The following RALYL variants were observed in gnomAD, a reference collection of about 807,000 sequenced individuals.
RALYL encodes RNA-binding Raly-like protein.
Under a neutral mutation model 35.1 loss-of-function variants are expected in RALYL, and 29 were observed. The observed-to-expected ratio is 0.83, with a 90% CI of 0.61 to 1.13. RALYL has a LOEUF of 1.13. Ranked by LOEUF, RALYL falls within the 50% of genes most tolerant of loss-of-function variation. The pLI, the probability that RALYL is intolerant of heterozygous loss-of-function variation, is 0.00. For missense variants in RALYL, 359 were observed against 360.4 expected (o/e 1.00, Z 0.03); for synonymous variants, 120 against 127.6 (o/e 0.94, Z 0.40).
chr8:84,587,640 A>G (rs1812298263), intron 2 of RALYL, among the ~76,000 whole-genome samples: 2 of 152,220 alleles, frequency 1.3e-5, no homozygotes, highest in Admixed American at 6.5e-5. Context: ...TTTTTTGGAC[A>G]AAGTACTACA....
rs1412890097 is a variant in RALYL at position 84,617,589 on chromosome 8, T to G, written c.256+88012T>G. On this transcript the variant is annotated intron_variant, in intron 2 of 8. Transcript: ENST00000521268. ...CCTAATTGAATACCCTTTATTTCCTTCTCCTGCCTAATTGCCCTGGCCAGA... is the reference window on the plus strand; with the variant it reads ...CCTAATTGAATACCCTTTATTTCCTGCTCCTGCCTAATTGCCCTGGCCAGA... Among the ~76,000 whole-genome samples the G allele has an allele frequency of 6.3e-4, 94 of 149,166 alleles. 1 individual carries two copies. The highest frequency in any genetic ancestry group is 2.3e-3 in the African/African-American group (92 of 39,624).
intron 1 of RALYL, among the ~76,000 whole-genome samples, chr8:84,398,606 G>A (rs1221458229): frequency 4.6e-5 from 7 of 152,076 alleles, no homozygotes; most frequent in Non-Finnish European, 8.8e-5. Flanking sequence ...CTGGAAAAAT[G>A]ATACATGGAA....
chr8:84,680,673 T>G (rs527292149), intron 2 of RALYL, among the ~76,000 whole-genome samples: 2,130 of 152,288 alleles, frequency 0.014, 59 homozygotes, highest in African/African-American at 0.048. Context: ...GTTCATATCC[T>G]TCGCCCACTT....
At chr8:84,892,284 G>T (rs908462427) in intron 8 of RALYL, among the ~76,000 whole-genome samples, 1 of 152,124 alleles carries the variant, frequency 6.6e-6, no homozygotes, top group Non-Finnish European at 1.5e-5. Context: ...ATGGCTCCTT[G>T]TCTCAAGTAG....
At chr8:84,861,275 C>G (rs1260981947) in intron 5 of RALYL, among the ~76,000 whole-genome samples, 1 of 152,088 alleles carries the variant, frequency 6.6e-6, no homozygotes, top group African/African-American at 2.4e-5. Context: ...GGAAAATAGT[C>G]ATGAAAATGA....
chr8:84,446,773 G>A (rs1474361780), intron 1 of RALYL, among the ~76,000 whole-genome samples: 1 of 152,152 alleles, frequency 6.6e-6, no homozygotes, highest in Non-Finnish European at 1.5e-5. Context: ...TTCAGGAGCT[G>A]AGGGGGTGCC....
intron 1 of RALYL, among the ~76,000 whole-genome samples, chr8:84,203,286 T>C (rs932365649): frequency 6.6e-6 from 1 of 151,816 alleles, no homozygotes; most frequent in Non-Finnish European, 1.5e-5. Flanking sequence ...TCTTTCTTTT[T>C]TTTTTTTCTT....
chr8:84,479,813 T>G (rs180731046), intron 1 of RALYL, among the ~76,000 whole-genome samples: 112 of 152,294 alleles, frequency 7.4e-4, no homozygotes, highest in African/African-American at 2.6e-3. Flanking sequence ...TATTTGAGCT[T>G]CTTTTCCCAG....
chr8:84,721,537 T>C (rs114746201), intron 2 of RALYL, among the ~76,000 whole-genome samples: 2,155 of 152,290 alleles, frequency 0.014, 56 homozygotes, highest in African/African-American at 0.049. Context: ...TGTCTCTCTA[T>C]ATTCTGTTTC....
chr8:84,413,106 A>T (rs1396259356), intron 1 of RALYL, among the ~76,000 whole-genome samples: 1 of 149,530 alleles, frequency 6.7e-6, no homozygotes, highest in African/African-American at 2.5e-5. Flanking sequence ...ATTACTAATT[A>T]AAAACTATAT....
intron 2 of RALYL, among the ~76,000 whole-genome samples, chr8:84,620,426 C>T (rs1008035657): frequency 6.6e-6 from 1 of 151,934 alleles, no homozygotes; most frequent in African/African-American, 2.4e-5. Context: ...AGTTCTCGAG[C>T]CTTGGTTTGC....
At chr8:84,547,767 C>T (rs945926204) in intron 2 of RALYL, among the ~76,000 whole-genome samples, 1 of 152,112 alleles carries the variant, frequency 6.6e-6, no homozygotes, top group Non-Finnish European at 1.5e-5. Flanking sequence ...TAATATGCCA[C>T]AATTTGGTAA....
At chr8:84,739,398 AATAAG>A (rs569963331) in intron 2 of RALYL, among the ~76,000 whole-genome samples, 15 of 152,026 alleles carry the variant, frequency 9.9e-5, no homozygotes, top group Admixed American at 8.5e-4. Context: ...AAACATGTAA[AATAAG>A]ATAATATAAA....
At chr8:84,717,538 G>T (rs565542900) in intron 2 of RALYL, among the ~76,000 whole-genome samples, 1 of 152,254 alleles carries the variant, frequency 6.6e-6, no homozygotes, top group Admixed American at 6.5e-5. Context: ...TTCTCAGTAA[G>T]TTGCCCACAT....
At chr8:84,790,090 G>A (rs1313835207) in intron 3 of RALYL, among the ~76,000 whole-genome samples, 2 of 152,198 alleles carry the variant, frequency 1.3e-5, no homozygotes, top group African/African-American at 4.8e-5. Flanking sequence ...ACTGGAGTGA[G>A]TTGCCATCTG....
At chr8:84,328,711 C>T (rs1347473391) in intron 1 of RALYL, among the ~76,000 whole-genome samples, 1 of 152,108 alleles carries the variant, frequency 6.6e-6, no homozygotes, top group Non-Finnish European at 1.5e-5. Context: ...GATCCTGTCA[C>T]CCAGTGAGCA....
chr8:84,366,759 G>T (rs1356618846), intron 1 of RALYL, among the ~76,000 whole-genome samples: 1 of 41,652 alleles, frequency 2.4e-5, no homozygotes, highest in Non-Finnish European at 4.0e-5. Flanking sequence ...TGAGATTTTT[G>T]TCTCAAAAAA....
intron 2 of RALYL, among the ~76,000 whole-genome samples, chr8:84,552,971 A>C (rs1452100831): frequency 6.6e-6 from 1 of 152,184 alleles, no homozygotes; most frequent in Non-Finnish European, 1.5e-5. Flanking sequence ...AAGGAGGGAA[A>C]AAATTCACAC....
chr8:84,276,085 A>G (rs1296136937), intron 1 of RALYL, among the ~76,000 whole-genome samples: 1 of 152,144 alleles, frequency 6.6e-6, no homozygotes, highest in Non-Finnish European at 1.5e-5. Context: ...TATACATATT[A>G]TTGATGTATG....
Sources: allele counts gnomAD v4.1 joint callset (sites outside exome capture counted in the v4.1 genomes callset), GRCh38; gene constraint gnomAD v4.1.1; transcripts MANE v1.5; gene names NCBI Gene and HGNC (gene_info 2026-07-23, HGNC 2026-07-21).